Variants in MUC22 observed in about 807,000 individuals in gnomAD.
MUC22 encodes the protein mucin-22.
MUC22 carries 24 observed loss-of-function variants against 40.3 expected under a neutral mutation model. The observed-to-expected ratio is 0.60, with a 90% CI of 0.43 to 0.84. MUC22 has a LOEUF of 0.84. MUC22 is among the 40% of genes least tolerant of loss of function. The probability of loss-of-function intolerance (pLI) is 0.00; values close to 1 mark genes in which losing one functional copy is unlikely to be tolerated. For missense variants in MUC22, 1,926 were observed against 2,130.7 expected (o/e 0.90, Z 1.89); for synonymous variants, 765 against 844.5 (o/e 0.91, Z 1.63).
chr6:31,025,997 C>T, exon 2 of MUC22: 10 of 1,533,374 alleles, frequency 6.5e-6, no homozygotes, highest in Non-Finnish European at 7.9e-6. Context: ...GCCACAGTCT[C>T]TACCACAGGC....
Position 31,025,559 on chromosome 6 carries a change from C to T in MUC22, c.128C>T (p.Thr43Ile), listed in dbSNP as rs1765208720. 2.0e-6 allele frequency: 3 copies of T among 1,526,962 alleles called. No homozygotes were observed. In the South Asian group the frequency reaches 3.6e-5, roughly 18 times the overall value. The allele number at this position is 1,526,962 out of a possible 1,614,324, so 94.6% of individuals were successfully genotyped here. A position where few individuals can be genotyped will look rare whatever the true frequency, so the allele number is the denominator to read the frequency against. The change falls in exon 2 of 4, where the codon ACA becomes ATA. Residue 43 changes from threonine to isoleucine, a missense_variant. By Grantham distance (89) the Thr-to-Ile change is moderately conservative. Transcript: ENST00000561890. ...TCCGACACCACCACAGCCTCCATCA[C>T]AGGCTCTGAGACCACCATGGCCTCC...
At chr6:31,028,570 G>T (rs957133170) in exon 2 of MUC22, 3 of 1,532,282 alleles carry the variant, frequency 2.0e-6, no homozygotes, top group Middle Eastern at 1.7e-4. Flanking sequence ...GACCACCAAG[G>T]TCTCCACTGC....
At chr6:31,012,323 C>T (rs779470543) in intron 1 of MUC22, among the ~76,000 whole-genome samples, 1 of 152,152 alleles carries the variant, frequency 6.6e-6, no homozygotes, top group Non-Finnish European at 1.5e-5. Flanking sequence ...CTTCCCTCGG[C>T]GTTCTTTTTC....
chr6:31,017,516 C>G (rs1764313608), intron 1 of MUC22, among the ~76,000 whole-genome samples: 1 of 152,050 alleles, frequency 6.6e-6, no homozygotes, highest in African/African-American at 2.4e-5. Flanking sequence ...CTGGTGGGGA[C>G]TTGGAGAATC....
In MUC22 at chr6:31,030,238, C is replaced by T. The variant is rs1210737297; in HGVS notation, c.4669+138C>T. 4 of 1,073,040 alleles carry T rather than the reference C, an allele frequency of 3.7e-6. No individual in the cohort carries two copies. The East Asian group carries it at 1.0e-4, about 28-fold the overall frequency. 66.5% of individuals were successfully genotyped at this position (1,073,040 alleles called of 1,614,324 possible). ...GTTAGATATAATTTCCTCTTCTAGG[C>T]TGGGCGCGGTGGCTCATGCCTGTAA... On this transcript the variant is annotated intron_variant, in intron 2 of 3. Coordinates refer to ENST00000561890, the Ensembl canonical transcript of MUC22.
In MUC22 at chr6:31,032,617, C is replaced by T; in HGVS notation, c.5055+36C>T. ...AGGGTGGGTTCATAGGGGAGCCTGG[C>T]AAGAAGGCAGGGGGGAATCATGTCA... On this transcript the variant is annotated intron_variant, in intron 3 of 3. Transcript: ENST00000561890. This position sits in a 1 kb window ranked among gnomAD's most constrained non-coding sequence, Gnocchi z 4.1. 3 of 1,502,730 alleles carry T rather than the reference C, an allele frequency of 2.0e-6. No individual in the cohort carries two copies. Among genetic ancestry groups the T allele is most frequent in the Non-Finnish European group, 2.7e-6 (3 of 1,129,174 alleles). The allele number at this position is 1,502,730 out of a possible 1,614,324, so 93.1% of individuals were successfully genotyped here.
At chr6:31,031,387 G>C (rs1296607150) in intron 2 of MUC22, among the ~76,000 whole-genome samples, 1 of 152,164 alleles carries the variant, frequency 6.6e-6, no homozygotes, top group Non-Finnish European at 1.5e-5. Context: ...ATGCCCATGA[G>C]TGAATCCAAT....
At chr6:31,025,722 C>T (rs2517554) in exon 2 of MUC22, 883,857 of 1,534,122 alleles carry the variant, frequency 0.58, 258,530 homozygotes, top group Non-Finnish European at 0.61. Context: ...ACACGGCCTC[C>T]ACCACAGACT....
chr6:31,030,039 G>T (rs12110470), exon 2 of MUC22: 313,863 of 1,535,166 alleles, frequency 0.2, 36,647 homozygotes, highest in East Asian at 0.45. Context: ...CTTCCACCAC[G>T]TTTGTACTCA....
exon 2 of MUC22, chr6:31,029,076 C>G (rs1332201004): frequency 2.0e-6 from 3 of 1,534,498 alleles, no homozygotes; most frequent in Admixed American, 3.9e-5. Flanking sequence ...GCTCTGAGAC[C>G]ACTACAGTCA....
exon 2 of MUC22, chr6:31,029,854 A>G (rs1023407196): frequency 3.7e-5 from 55 of 1,470,926 alleles, no homozygotes; most frequent in Non-Finnish European, 4.9e-5. Flanking sequence ...AGGTTCTGAG[A>G]CCTCCACACC....
At chr6:31,025,338 G>A (rs73727165) in intron 1 of MUC22, among the ~76,000 whole-genome samples, 164 bp from the exon 2 acceptor site, 2,935 of 152,244 alleles carry the variant, frequency 0.019, 78 homozygotes, top group African/African-American at 0.066. Flanking sequence ...TTGCTGACAG[G>A]AGTATGCCCA....
At position 31,026,306 on chromosome 6, in the gene MUC22, CAGCAGGTT is replaced by C. The variant is rs1765330589; in HGVS notation, c.876_883del (p.Ala293Ter). 1 of 1,512,636 alleles carries C rather than the reference CAGCAGGTT, an allele frequency of 6.6e-7. No individual in the cohort carries two copies. Among genetic ancestry groups the C allele is most frequent in the Non-Finnish European group, 8.8e-7 (1 of 1,131,238 alleles). 93.7% of individuals were successfully genotyped at this position (1,512,636 alleles called of 1,614,324 possible). A position where few individuals can be genotyped will look rare whatever the true frequency, so the allele number is the denominator to read the frequency against. ...GCCTCTGAGACCACCACAGCCTCTACAGCAGGTTCTGAGACCACCACCCCCTCCCCCAC... is the reference window on the plus strand; with the variant it reads ...GCCTCTGAGACCACCACAGCCTCTACCTGAGACCACCACCCCCTCCCCCAC... On this transcript the variant is annotated frameshift_variant, in exon 2 of 4. Coordinates refer to ENST00000561890, the Ensembl canonical transcript of MUC22. LOFTEE classifies it high-confidence loss of function.
intron 1 of MUC22, 85 bp from the exon 2 acceptor site, chr6:31,025,417 T>A (rs116141952): frequency 1.5e-6 from 2 of 1,353,306 alleles, no homozygotes; most frequent in African/African-American, 2.9e-5. Flanking sequence ...TAAGAAGTAC[T>A]GAGTATATGT....
At chr6:31,027,896 G>T (rs1765579748) in exon 2 of MUC22, 1 of 1,533,864 alleles carries the variant, frequency 6.5e-7, no homozygotes, top group South Asian at 1.2e-5. Flanking sequence ...TCCACCACAG[G>T]TGCTGAGACC....
At chr6:31,029,374 A>T in exon 2 of MUC22, 1 of 1,534,862 alleles carries the variant, frequency 6.5e-7, no homozygotes, top group Non-Finnish European at 8.7e-7. Flanking sequence ...AGGCTCTGAG[A>T]CAACCACAGT....
At chr6:31,016,717 C>T (rs894660578) in intron 1 of MUC22, among the ~76,000 whole-genome samples, 133 of 152,374 alleles carry the variant, frequency 8.7e-4, no homozygotes, top group African/African-American at 2.9e-3. Flanking sequence ...TTCAGCCCCC[C>T]GCTGCACTGT....
At chr6:31,026,168 A>G (rs1302339967) in exon 2 of MUC22, 1 of 1,523,846 alleles carries the variant, frequency 6.6e-7, no homozygotes, top group Non-Finnish European at 8.8e-7. Flanking sequence ...GCAGACTCCA[A>G]GGTGATCACG....
At chr6:31,026,726 C>G in exon 2 of MUC22, 5 of 1,504,976 alleles carry the variant, frequency 3.3e-6, no homozygotes, top group Non-Finnish European at 4.4e-6. Context: ...GTCTTCACTG[C>G]AGGCTCGGAA....
Sources: allele counts gnomAD v4.1 joint callset (sites outside exome capture counted in the v4.1 genomes callset), GRCh38; gene constraint gnomAD v4.1.1; non-coding constraint Gnocchi (gnomAD v3.1); transcripts MANE v1.5; gene names NCBI Gene and HGNC (gene_info 2026-07-23, HGNC 2026-07-21).